Variants in EPHA3 observed in about 807,000 individuals in gnomAD.
The protein encoded by EPHA3 is ephrin type-A receptor 3.
EPHA3 carries 42 observed loss-of-function variants against 107.1 expected under a neutral mutation model. That is an observed-to-expected ratio of 0.39 (90% CI 0.31 to 0.51). The LOEUF (loss-of-function observed/expected upper bound fraction) is 0.51. EPHA3 is among the 20% of genes least tolerant of loss of function. The pLI is 0.78. For synonymous variants in EPHA3, 461 were observed against 424.8 expected, an observed-to-expected ratio of 1.09 and a Z score of -1.05; for missense variants, 1,183 against 1,211.2, an observed-to-expected ratio of 0.98 and a Z score of 0.35.
intron 3 of EPHA3, among the ~76,000 whole-genome samples, chr3:89,239,071 G>T (rs981232850): frequency 6.6e-6 from 1 of 152,158 alleles, no homozygotes; most frequent in African/African-American, 2.4e-5. Context: ...AAGTCACACA[G>T]TATGCGAGAG....
chr3:89,238,386 A>G (rs1280457182), intron 3 of EPHA3, among the ~76,000 whole-genome samples: 2 of 152,228 alleles, frequency 1.3e-5, no homozygotes, highest in Non-Finnish European at 2.9e-5. Context: ...TTTTGCTAGT[A>G]GCTTGAAATC....
At chr3:89,201,211 T>A (rs1705960500) in intron 2 of EPHA3, among the ~76,000 whole-genome samples, 1 of 151,956 alleles carries the variant, frequency 6.6e-6, no homozygotes, top group East Asian at 1.9e-4. Flanking sequence ...GTTTGCACAC[T>A]TTCAAACAAG....
intron 3 of EPHA3, among the ~76,000 whole-genome samples, chr3:89,280,989 T>A (rs1705932799): frequency 6.7e-6 from 1 of 150,248 alleles, no homozygotes; most frequent in South Asian, 2.1e-4. Flanking sequence ...ACCATATGAA[T>A]CTTACAAGAT....
chr3:89,337,723 T>C (rs762134345), intron 3 of EPHA3, among the ~76,000 whole-genome samples: 3 of 152,210 alleles, frequency 2.0e-5, no homozygotes, highest in Admixed American at 2.0e-4. Flanking sequence ...TTTCTAAGGA[T>C]CTTTTAGCTC....
chr3:89,341,815 A>G lies in EPHA3; in HGVS notation c.1031A>G (p.Asp344Gly), dbSNP rs756802617. The change falls in exon 5 of 17, where the codon GAC becomes GGC. Residue 344 changes from aspartate to glycine, a missense_variant. Asp to Gly is a moderately conservative substitution (Grantham distance 94). Coordinates refer to ENST00000336596, the MANE Select transcript of EPHA3 (RefSeq NM_005233.6). ...ATAAACGAGACCTCAGTTATCCTGG[A>G]CTGGAGTTGGCCCCTGGACACAGGA... ...SNINETSVILDWSWPLDTGGR... is the reference protein window; with the variant it reads ...SNINETSVILGWSWPLDTGGR... 3 of 1,613,986 alleles carry G rather than the reference A, an allele frequency of 1.9e-6. No homozygotes were observed. The highest frequency in any genetic ancestry group is 2.5e-6 in the Non-Finnish European group (3 of 1,180,014).
intron 3 of EPHA3, among the ~76,000 whole-genome samples, chr3:89,302,425 G>A (rs1379592542): frequency 6.6e-6 from 1 of 152,010 alleles, no homozygotes; most frequent in Admixed American, 6.6e-5. Context: ...TTGCTCTGTG[G>A]GAGGTAGAAA....
intron 15 of EPHA3, among the ~76,000 whole-genome samples, chr3:89,458,974 A>G (rs1264344351): frequency 6.6e-6 from 1 of 152,218 alleles, no homozygotes; most frequent in Non-Finnish European, 1.5e-5. Context: ...TGGGAGTTGA[A>G]CAATGAGAAC....
intron 3 of EPHA3, among the ~76,000 whole-genome samples, chr3:89,251,639 G>A (rs571206890): frequency 1.3e-5 from 2 of 151,998 alleles, no homozygotes; most frequent in African/African-American, 4.8e-5. Context: ...ACTATCATAT[G>A]ATTATAAAGA....
At chr3:89,409,754 C>T (rs184146114) in intron 9 of EPHA3, among the ~76,000 whole-genome samples, 126 of 152,126 alleles carry the variant, frequency 8.3e-4, no homozygotes, top group Non-Finnish European at 1.1e-3. Context: ...GCTCTAGCTA[C>T]GAACTGTTCC....
chr3:89,145,527 A>G (rs570107274), intron 2 of EPHA3, among the ~76,000 whole-genome samples: 12 of 151,778 alleles, frequency 7.9e-5, no homozygotes, highest in Non-Finnish European at 1.2e-4. Context: ...TTATCTTGCA[A>G]TCTTTTCTTT....
At chr3:89,473,169 T>G (rs1156859894) in intron 16 of EPHA3, among the ~76,000 whole-genome samples, 1 of 152,190 alleles carries the variant, frequency 6.6e-6, no homozygotes, top group Non-Finnish European at 1.5e-5. Flanking sequence ...AATGAAGTTA[T>G]AATTAGGTTT....
chr3:89,291,223 A>G (rs540671412), intron 3 of EPHA3, among the ~76,000 whole-genome samples: 97 of 152,278 alleles, frequency 6.4e-4, no homozygotes, highest in Non-Finnish European at 1.1e-3. Flanking sequence ...GGTCTAGTTT[A>G]TCTTTGGAGT....
chr3:89,314,368 A>C (rs201841112), intron 3 of EPHA3, among the ~76,000 whole-genome samples: 33 of 152,034 alleles, frequency 2.2e-4, no homozygotes, highest in African/African-American at 7.5e-4. Flanking sequence ...AATTATGAGG[A>C]TCACATGGGG....
At chr3:89,210,602 G>T in intron 3 of EPHA3, 82 bp downstream of exon 3, 1 of 1,411,570 alleles carries the variant, frequency 7.1e-7, no homozygotes, top group Non-Finnish European at 9.5e-7. Flanking sequence ...AATGCACTCA[G>T]TCTCAACTCA....
intron 1 of EPHA3, among the ~76,000 whole-genome samples, chr3:89,126,617 T>C (rs973674123): frequency 1.3e-5 from 2 of 151,634 alleles, no homozygotes; most frequent in Non-Finnish European, 3.0e-5. Flanking sequence ...TTATAAAACA[T>C]AGTTTTACTT....
intron 3 of EPHA3, among the ~76,000 whole-genome samples, chr3:89,312,474 T>C (rs1475275528): frequency 6.6e-6 from 1 of 151,696 alleles, no homozygotes; most frequent in African/African-American, 2.4e-5. Flanking sequence ...CTTCTTTAAA[T>C]TGTGTGCATT....
At chr3:89,144,815 A>G (rs1704500898) in intron 2 of EPHA3, among the ~76,000 whole-genome samples, 1 of 151,728 alleles carries the variant, frequency 6.6e-6, no homozygotes. Flanking sequence ...AAAGCTGATT[A>G]TTAAACTTTG....
At chr3:89,455,810 T>C (rs1662735505) in intron 15 of EPHA3, among the ~76,000 whole-genome samples, 2 of 152,256 alleles carry the variant, frequency 1.3e-5, no homozygotes, top group South Asian at 4.1e-4. Flanking sequence ...ACTCATTCTG[T>C]GGCAGCACCA....
intron 2 of EPHA3, among the ~76,000 whole-genome samples, chr3:89,165,006 G>C (rs1031207073): frequency 8.5e-5 from 13 of 152,142 alleles, no homozygotes; most frequent in Non-Finnish European, 1.6e-4. Context: ...TTCAGAAACT[G>C]TTTCTTATTT....
Sources: gnomAD v4.1 joint callset for allele counts (sites outside exome capture counted in the v4.1 genomes callset) on GRCh38, gnomAD v4.1.1 for gene constraint, MANE v1.5 for transcripts, NCBI Gene and HGNC (gene_info 2026-07-23, HGNC 2026-07-21) for gene names.